Variants in UBR1 observed in about 807,000 individuals in gnomAD.
UBR1 encodes E3 ubiquitin-protein ligase UBR1.
UBR1 carries 102 observed loss-of-function variants against 242.1 expected under a neutral mutation model. The observed-to-expected ratio is 0.42, with a 90% CI of 0.36 to 0.50. UBR1 has a LOEUF of 0.50. Among genes scored for constraint, UBR1 ranks in the 20% least tolerant of loss-of-function variants. The pLI, the probability that UBR1 is intolerant of heterozygous loss-of-function variation, is 0.01. For missense variants in UBR1, 1,772 were observed against 2,101.8 expected (o/e 0.84, Z 3.07); for synonymous variants, 675 against 684.8 (o/e 0.99, Z 0.22).
chr15:43,050,711 G>A (rs1165394613), intron 12 of UBR1, among the ~76,000 whole-genome samples: 4 of 140,656 alleles, frequency 2.8e-5, no homozygotes, highest in African/African-American at 5.6e-5. Context: ...GCAACAGAGC[G>A]AGACTCCGTC....
intron 29 of UBR1, chr15:43,011,803 T>C (rs980693229): frequency 2.8e-6 from 1 of 362,894 alleles, no homozygotes; most frequent in African/African-American, 2.1e-5. Context: ...AGGAGACACA[T>C]ACAAAAAGAT....
intron 8 of UBR1, 93 bp from the exon 9 acceptor site, chr15:43,059,285 G>A: frequency 9.2e-7 from 1 of 1,083,570 alleles, no homozygotes; most frequent in Non-Finnish European, 1.4e-6. Context: ...GGTTGGTCTT[G>A]AACTCCTGGG....
chr15:42,944,095 AAT>A lies in UBR1; in HGVS notation c.*1232_*1233del, dbSNP rs1396601298. On this transcript the variant is annotated 3_prime_UTR_variant, in exon 47 of 47. Transcript: ENST00000290650. ...AGGGCAAAATAAGATACAGTCTTTG[AAT>A]GCATCTTTCAAGGTTCTAACATTAC... The A allele has an allele frequency of 6.6e-6, 1 of 152,276 alleles. No individual in the cohort carries two copies. The highest frequency in any genetic ancestry group is 2.4e-5 in the African/African-American group (1 of 41,460). The allele number at this position is 152,276 out of a possible 1,614,324, so 9.4% of individuals were successfully genotyped here.
intron 1 of UBR1, among the ~76,000 whole-genome samples, chr15:43,102,353 C>T (rs2141373929): frequency 6.6e-6 from 1 of 152,242 alleles, no homozygotes; most frequent in Non-Finnish European, 1.5e-5. Context: ...TTTGAAACAC[C>T]AGACATCCAA....
intron 31 of UBR1, among the ~76,000 whole-genome samples, chr15:43,003,574 A>C (rs538115443): frequency 3.0e-4 from 46 of 152,312 alleles, no homozygotes; most frequent in Non-Finnish European, 5.6e-4. Flanking sequence ...CTTTTTTTAC[A>C]TGAATACTGA....
chr15:43,091,408 T>C (rs538905915), intron 1 of UBR1, among the ~76,000 whole-genome samples: 1 of 152,224 alleles, frequency 6.6e-6, no homozygotes, highest in South Asian at 2.1e-4. Context: ...AATACAAATA[T>C]TCCAAAATCT....
rs1321783733 is a variant in UBR1, at chr15:42,943,228, C to G, written c.*2101G>C. 6.6e-6 allele frequency: 1 copy of G among 152,606 alleles called. No individual in the cohort carries two copies. The highest frequency in any genetic ancestry group is 1.5e-5 in the Non-Finnish European group (1 of 68,032). 9.5% of individuals were successfully genotyped at this position (152,606 alleles called of 1,614,324 possible). ...AAATTCTCACTAGCCCCTTACCAAACATTAGAAAAACACAGTTCTGGAGCC... is the reference window on the plus strand; with the variant it reads ...AAATTCTCACTAGCCCCTTACCAAAGATTAGAAAAACACAGTTCTGGAGCC... On this transcript the variant is annotated 3_prime_UTR_variant, in exon 47 of 47. Transcript: ENST00000290650.
intron 3 of UBR1, among the ~76,000 whole-genome samples, chr15:43,080,199 C>T (rs929861975): frequency 1.3e-5 from 2 of 152,138 alleles, no homozygotes; most frequent in Non-Finnish European, 2.9e-5. Context: ...TGCAATAAAA[C>T]TTTATTTACG....
At chr15:43,080,397 A>AT (rs2033962554) in intron 3 of UBR1, among the ~76,000 whole-genome samples, 1 of 152,120 alleles carries the variant, frequency 6.6e-6, no homozygotes, top group Admixed American at 6.6e-5. Context: ...GCAACCACTG[A>AT]TTTTTTTATT....
rs186767010 is a variant in UBR1 at position 43,089,633 on chromosome 15, G to C, written c.82-3393C>G. On this transcript the variant is annotated intron_variant, in intron 1 of 46. Transcript: ENST00000290650. Reference sequence around the variant, plus strand: ...TTTTTTTTCTTTTTAATAGAGAAGGGGTCTCACCTAGGTTGGTCTTGAACT... The same window carrying C: ...TTTTTTTTCTTTTTAATAGAGAAGGCGTCTCACCTAGGTTGGTCTTGAACT... Among the ~76,000 whole-genome samples, 3 of 152,124 alleles carry C rather than the reference G, an allele frequency of 2.0e-5. No individual in the cohort carries two copies. In the East Asian group the frequency reaches 5.8e-4, roughly 29 times the overall value.
At chr15:42,989,164 A>G (rs1160302042) in intron 34 of UBR1, among the ~76,000 whole-genome samples, 197 bp from the exon 35 acceptor site, 2 of 152,240 alleles carry the variant, frequency 1.3e-5, no homozygotes, top group African/African-American at 2.4e-5. Flanking sequence ...TGTATTTTCT[A>G]AAGGTAGAGA....
At chr15:43,079,703 AC>A (rs560998748) in intron 3 of UBR1, among the ~76,000 whole-genome samples, 42 of 152,208 alleles carry the variant, frequency 2.8e-4, no homozygotes, top group Admixed American at 8.5e-4. Context: ...AATGGAGTGA[AC>A]CCGGGAGACA....
chr15:43,052,767 T>C (rs905824724), intron 12 of UBR1, among the ~76,000 whole-genome samples: 1 of 152,240 alleles, frequency 6.6e-6, no homozygotes, highest in Non-Finnish European at 1.5e-5. Flanking sequence ...AATTATTTGC[T>C]AAATAAAGAG....
At chr15:43,082,384 G>C in intron 3 of UBR1, among the ~76,000 whole-genome samples, 1 of 152,184 alleles carries the variant, frequency 6.6e-6, no homozygotes, top group South Asian at 2.1e-4. Context: ...AAGTTGTTAT[G>C]GACTATTCTG....
chr15:42,992,511 G>GCCCAGGCA (rs1567118048), intron 33 of UBR1, among the ~76,000 whole-genome samples: 5 of 152,330 alleles, frequency 3.3e-5, no homozygotes, highest in African/African-American at 1.2e-4. Context: ...AGCCTGTGCT[G>GCCCAGGCA]TGGTGTTTTG....
intron 37 of UBR1, among the ~76,000 whole-genome samples, chr15:42,982,670 T>G (rs1416964522): frequency 6.6e-6 from 1 of 152,086 alleles, no homozygotes; most frequent in Admixed American, 6.5e-5. Flanking sequence ...TTGTGGGGAT[T>G]GACAAGGAAA....
intron 22 of UBR1, 84 bp downstream of exon 22, chr15:43,027,692 C>T: frequency 7.6e-7 from 1 of 1,322,050 alleles, no homozygotes; most frequent in Non-Finnish European, 1.1e-6. Flanking sequence ...CAGGCAAGAA[C>T]TTCAGAGCTT....
chr15:43,068,942 G>A (rs968020495), intron 5 of UBR1, among the ~76,000 whole-genome samples: 1 of 152,126 alleles, frequency 6.6e-6, no homozygotes, highest in Non-Finnish European at 1.5e-5. Flanking sequence ...AAGGAGACAG[G>A]CCTCAGGCTC....
At chr15:43,105,890 A>C in intron 1 of UBR1, 52 bp downstream of exon 1, 4 of 1,540,752 alleles carry the variant, frequency 2.6e-6, no homozygotes, top group Middle Eastern at 3.4e-4. Flanking sequence ...TCCTAAGCGC[A>C]GTAGGGAGGG....
Sources: gnomAD v4.1 joint callset for allele counts (sites outside exome capture counted in the v4.1 genomes callset) on GRCh38, gnomAD v4.1.1 for gene constraint, MANE v1.5 for transcripts, NCBI Gene and HGNC (gene_info 2026-07-23, HGNC 2026-07-21) for gene names.